The following PPP6R2 variants were observed in gnomAD, a reference collection of about 807,000 sequenced individuals.
PPP6R2 encodes the protein serine/threonine-protein phosphatase 6 regulatory subunit 2.
A neutral mutation model predicts 100.2 loss-of-function variants in PPP6R2; 62 were observed. The ratio of observed to expected loss-of-function variants is 0.62; its 90% confidence interval spans 0.50 to 0.76. The LOEUF (loss-of-function observed/expected upper bound fraction) is 0.76, where lower values mean the gene tolerates loss of function less well. Ranked by LOEUF, PPP6R2 falls within the 30% of genes least tolerant of loss-of-function variation. The probability of loss-of-function intolerance (pLI) is 0.00; values close to 1 mark genes in which losing one functional copy is unlikely to be tolerated. For missense variants in PPP6R2, 1,142 were observed against 1,276.3 expected, an observed-to-expected ratio of 0.89 and a Z score of 1.60; for synonymous variants, 525 against 514.7, an observed-to-expected ratio of 1.02 and a Z score of -0.27.
At chr22:50,399,338 A>G (rs891425893) in intron 3 of PPP6R2, among the ~76,000 whole-genome samples, 1 of 152,276 alleles carries the variant, frequency 6.6e-6, no homozygotes, top group Non-Finnish European at 1.5e-5. Context: ...CTCAACTCTG[A>G]AGTTGTAGCA....
At chr22:50,388,902 T>C (rs1191833876) in intron 2 of PPP6R2, 2 of 151,854 alleles carry the variant, frequency 1.3e-5, no homozygotes, top group Admixed American at 6.6e-5. Flanking sequence ...AAAAAATGAT[T>C]TGTGGCCAGA....
intron 2 of PPP6R2, among the ~76,000 whole-genome samples, chr22:50,374,145 A>T (rs2050924357): frequency 6.6e-6 from 1 of 152,164 alleles, no homozygotes; most frequent in South Asian, 2.1e-4. Context: ...TGGCCTCCCA[A>T]AGTGCCGAGA....
In PPP6R2 at chr22:50,431,534, T is replaced by C. The variant is rs1389740309; in HGVS notation, c.1335+152T>C. On this transcript the variant is annotated intron_variant, in intron 11 of 23. Coordinates refer to ENST00000612753, the MANE Select transcript of PPP6R2 (RefSeq NM_001242898.2). The surrounding 1 kb of genome is among the most constrained non-coding windows in gnomAD (Gnocchi z 4.8). ...CCCCAGGTGTCTGGTCAGACGCTCG[T>C]AGACAGTGGGGCTTGAGTGGGTCTT... 1.7e-5 allele frequency: 12 copies of C among 691,122 alleles called. No individual in the cohort carries two copies. In the East Asian group the frequency reaches 3.3e-4, roughly 19 times the overall value. The allele number at this position is 691,122 out of a possible 1,614,324, so 42.8% of individuals were successfully genotyped here. A position where few individuals can be genotyped will look rare whatever the true frequency, so the allele number is the denominator to read the frequency against.
intron 1 of PPP6R2, among the ~76,000 whole-genome samples, chr22:50,369,097 G>C (rs1244181198): frequency 1.3e-5 from 2 of 152,036 alleles, no homozygotes; most frequent in South Asian, 2.1e-4. Context: ...AATTAGCTGG[G>C]TGTGGTGGTG....
At chr22:50,399,375 CAA>C (rs2057664865) in intron 3 of PPP6R2, among the ~76,000 whole-genome samples, 1 of 152,206 alleles carries the variant, frequency 6.6e-6, no homozygotes, top group East Asian at 1.9e-4. Context: ...AAATAGTAAA[CAA>C]ATGGATGGGG....
intron 15 of PPP6R2, 128 bp from the exon 16 acceptor site, chr22:50,437,378 C>A: frequency 1.4e-6 from 1 of 702,458 alleles, no homozygotes; most frequent in Non-Finnish European, 2.5e-6. Context: ...AGTTTACTGC[C>A]CACTTGTGCT....
chr22:50,361,834 G>A (rs1459652634), intron 1 of PPP6R2, among the ~76,000 whole-genome samples: 2 of 152,102 alleles, frequency 1.3e-5, no homozygotes, highest in Non-Finnish European at 2.9e-5. Flanking sequence ...TGCTGTGGTG[G>A]GCCTTTGGTT....
chr22:50,421,422 G>T (rs2061318337), intron 8 of PPP6R2, among the ~76,000 whole-genome samples: 1 of 152,150 alleles, frequency 6.6e-6, no homozygotes, highest in South Asian at 2.1e-4. Context: ...ATCTCAGCGT[G>T]GCCTCAGAGT....
intron 3 of PPP6R2, among the ~76,000 whole-genome samples, chr22:50,404,799 A>G (rs1436781791): frequency 6.6e-6 from 1 of 152,096 alleles, no homozygotes; most frequent in Non-Finnish European, 1.5e-5. Context: ...TGCTGGTGTC[A>G]GGACAGGCCT....
At chr22:50,350,624 T>C (rs112184646) in intron 1 of PPP6R2, among the ~76,000 whole-genome samples, 32,535 of 151,300 alleles carry the variant, frequency 0.22, 4,996 homozygotes, top group African/African-American at 0.44. Flanking sequence ...GACAGGCAGA[T>C]CACGAGGTCA....
In PPP6R2 at chr22:50,437,882, C is replaced by T. The variant is rs760121895; in HGVS notation, c.1821C>T (p.Ile607=). Residue 607 remains isoleucine (I), a synonymous_variant, in exon 17 of 24, where the codon ATC becomes ATT. Coordinates refer to ENST00000612753, the MANE Select transcript of PPP6R2 (RefSeq NM_001242898.2). ...FDRIAEINFN[I]DADEDSPSAA... ...GGATCGCAGAGATCAACTTCAACAT[C>T]GACGCTGACGAGGACAGTGTGAGCA... 1.5e-5 allele frequency: 23 copies of T among 1,554,708 alleles called. No individual in the cohort carries two copies. In the South Asian group the frequency reaches 1.5e-4, roughly 10 times the overall value.
rs1399048044 is a variant in PPP6R2, at chr22:50,431,205, T to A, written c.1158T>A (p.Phe386Leu). 6.2e-7 allele frequency: 1 copy of A among 1,613,636 alleles called. No individual in the cohort carries two copies. The highest frequency in any genetic ancestry group is 1.7e-5 in the Admixed American group (1 of 60,028). ...DLFFKYTWNN[F>L]LHFQVELCIA... ...TCTTTAAGTACACCTGGAATAACTT[T>A]TTGCACTTCCAAGTGGAACTATGCA... Residue 386 changes from phenylalanine (F) to leucine (L), a missense_variant, in exon 11 of 24, where the codon TTT becomes TTA. Transcript: ENST00000612753. The surrounding 1 kb of genome is among the most constrained non-coding windows in gnomAD (Gnocchi z 4.8).
rs770341965 is a variant in PPP6R2, at chr22:50,414,673, G to A, written c.536G>A (p.Arg179Gln). ...LVSCVEPAGL[R>Q]QDVLHWLNEE... ...AGCTGTGTGGAGCCAGCCGGGCTCCGGCAGGACGTCCTGCACGTGAGTGCG... is the reference window on the plus strand; with the variant it reads ...AGCTGTGTGGAGCCAGCCGGGCTCCAGCAGGACGTCCTGCACGTGAGTGCG... Residue 179 changes from arginine to glutamine, a missense_variant, in exon 5 of 24, where the codon CGG becomes CAG. Physicochemically the swap from Arg to Gln is conservative, Grantham distance 43. Coordinates refer to ENST00000612753, the MANE Select transcript of PPP6R2 (RefSeq NM_001242898.2). The A allele has an allele frequency of 5.0e-6, 8 of 1,611,892 alleles. No homozygotes were observed. The highest frequency in any genetic ancestry group is 2.7e-5 in the African/African-American group (2 of 74,670).
At chr22:50,407,496 T>C (rs1054891509) in intron 4 of PPP6R2, 1 of 152,608 alleles carries the variant, frequency 6.6e-6, no homozygotes, top group Non-Finnish European at 1.5e-5. Flanking sequence ...TGGCAGGACC[T>C]TGGACATCCA....
At position 50,381,313 on chromosome 22, in the gene PPP6R2, AC is replaced by A. The variant is rs1450091529; in HGVS notation, c.-17+9165del. Among the ~76,000 whole-genome samples, 341 of 91,582 alleles carry A rather than the reference AC, an allele frequency of 3.7e-3. 50 individuals carry two copies. The highest frequency in any genetic ancestry group is 0.015 in the African/African-American group (315 of 21,236). The allele number at this position is 91,582 out of a possible 152,430, so 60.1% of individuals were successfully genotyped here. A position where few individuals can be genotyped will look rare whatever the true frequency, so the allele number is the denominator to read the frequency against. ...CCCACCTCAGCACCACACGGGCCCC[AC>A]CTCAGCATCACACGGGCCTCACCTC... On this transcript the variant is annotated intron_variant, in intron 2 of 23. Transcript: ENST00000612753.
chr22:50,375,574 G>A (rs530756785), intron 2 of PPP6R2, among the ~76,000 whole-genome samples: 3 of 152,134 alleles, frequency 2.0e-5, no homozygotes, highest in Non-Finnish European at 2.9e-5. Flanking sequence ...GCCTCACACC[G>A]TTCCTTGCCC....
chr22:50,427,974 C>T (rs2062489344), intron 10 of PPP6R2, among the ~76,000 whole-genome samples: 1 of 152,220 alleles, frequency 6.6e-6, no homozygotes, highest in Non-Finnish European at 1.5e-5. Context: ...CCCACCTTGG[C>T]CTCCCAAAGT....
At chr22:50,341,047 A>G (rs962078313), upstream of PPP6R2, among the ~76,000 whole-genome samples, 1 of 152,038 alleles carries the variant, frequency 6.6e-6, no homozygotes, top group Non-Finnish European at 1.5e-5. Flanking sequence ...AGTAGCTGGG[A>G]CTGCAGGCGC....
chr22:50,429,417 A>G (rs952995890), intron 10 of PPP6R2, among the ~76,000 whole-genome samples: 2 of 152,138 alleles, frequency 1.3e-5, no homozygotes, highest in Non-Finnish European at 2.9e-5. Flanking sequence ...TGGTGTATTG[A>G]TTGATTTTCA....
Sources: allele counts gnomAD v4.1 joint callset (sites outside exome capture counted in the v4.1 genomes callset), GRCh38; gene constraint gnomAD v4.1.1; non-coding constraint Gnocchi (gnomAD v3.1); transcripts MANE v1.5; gene names NCBI Gene and HGNC (gene_info 2026-07-23, HGNC 2026-07-21).